Variants in DAB1 observed in about 807,000 individuals in gnomAD.
DAB1 encodes disabled homolog 1.
DAB1 carries 15 observed loss-of-function variants against 64.6 expected under a neutral mutation model. The observed-to-expected ratio is 0.23, with a 90% CI of 0.16 to 0.36. DAB1 has a LOEUF of 0.36. Among genes scored for constraint, DAB1 ranks in the 10% least tolerant of loss-of-function variants. The probability of loss-of-function intolerance (pLI) is 1.00; values close to 1 mark genes in which losing one functional copy is unlikely to be tolerated. For synonymous variants in DAB1, 235 were observed against 251.9 expected, an observed-to-expected ratio of 0.93 and a Z score of 0.64; for missense variants, 596 against 706.7, an observed-to-expected ratio of 0.84 and a Z score of 1.78.
intron 14 of DAB1, among the ~76,000 whole-genome samples, chr1:57,004,628 T>C (rs578154239): frequency 2.0e-5 from 3 of 152,368 alleles, no homozygotes; most frequent in African/African-American, 7.2e-5. Context: ...TTCAGCCTCA[T>C]GGTCTTTTAG....
intron 5 of DAB1, among the ~76,000 whole-genome samples, chr1:58,081,028 T>G (rs1649964393): frequency 6.6e-6 from 1 of 152,202 alleles, no homozygotes. Flanking sequence ...GCCTATGCTC[T>G]TATCACTATC....
intron 4 of DAB1, among the ~76,000 whole-genome samples, chr1:58,298,961 A>C (rs1308331431): frequency 1.3e-5 from 2 of 152,206 alleles, no homozygotes; most frequent in Non-Finnish European, 2.9e-5. Flanking sequence ...AGTCACTAGG[A>C]AACACGTAAA....
chr1:57,313,708 T>C (rs967962160), intron 1 of DAB1, among the ~76,000 whole-genome samples: 1 of 152,216 alleles, frequency 6.6e-6, no homozygotes, highest in Non-Finnish European at 1.5e-5. Flanking sequence ...CGTTTATTAT[T>C]CAGAAAATGT....
At chr1:57,539,099 G>A (rs935536312) in intron 7 of DAB1, among the ~76,000 whole-genome samples, 5 of 152,210 alleles carry the variant, frequency 3.3e-5, no homozygotes, top group Non-Finnish European at 5.9e-5. Flanking sequence ...TTCAGGGGAT[G>A]CTTCAGTTTT....
chr1:57,232,180 A>AATAAGG (rs1667726419), intron 2 of DAB1, among the ~76,000 whole-genome samples: 1 of 151,920 alleles, frequency 6.6e-6, no homozygotes, highest in Non-Finnish European at 1.5e-5. Context: ...TATGACATGC[A>AATAAGG]AGACCAATAA....
At chr1:57,732,838 C>T (rs1647502041) in intron 6 of DAB1, among the ~76,000 whole-genome samples, 1 of 152,120 alleles carries the variant, frequency 6.6e-6, no homozygotes, top group Non-Finnish European at 1.5e-5. Context: ...TCTCTGGAGG[C>T]CACAGCCAGC....
chr1:57,207,702 C>T (rs950444213), intron 2 of DAB1, among the ~76,000 whole-genome samples: 6 of 152,006 alleles, frequency 3.9e-5, no homozygotes, highest in African/African-American at 1.4e-4. Flanking sequence ...CCTCGGCCTC[C>T]CAAAGTGCTG....
At chr1:58,490,464 G>C (rs2100373724) in intron 3 of DAB1, among the ~76,000 whole-genome samples, 1 of 152,306 alleles carries the variant, frequency 6.6e-6, no homozygotes. Context: ...ATCTACATCT[G>C]ATTGGTGTAC....
At chr1:58,301,767 T>G (rs1490928948) in intron 4 of DAB1, among the ~76,000 whole-genome samples, 1 of 152,170 alleles carries the variant, frequency 6.6e-6, no homozygotes, top group Non-Finnish European at 1.5e-5. Flanking sequence ...GAATTCTGAC[T>G]CTGCCTTTTA....
intron 6 of DAB1, among the ~76,000 whole-genome samples, chr1:57,744,583 A>G (rs1235739932): frequency 6.6e-6 from 1 of 152,188 alleles, no homozygotes; most frequent in Non-Finnish European, 1.5e-5. Flanking sequence ...GGCTGAAGTC[A>G]CCGAGGAAGT....
chr1:57,821,514 T>A (rs1652119706), downstream of DAB1, among the ~76,000 whole-genome samples: 1 of 152,194 alleles, frequency 6.6e-6, no homozygotes, highest in South Asian at 2.1e-4. Flanking sequence ...CATTATAGGT[T>A]TAAATAAAAC....
chr1:57,611,533 T>C (rs967603926), intron 7 of DAB1, among the ~76,000 whole-genome samples: 4 of 152,236 alleles, frequency 2.6e-5, no homozygotes, highest in Admixed American at 6.5e-5. Context: ...CTCTCTAGTG[T>C]TGCAGGACAC....
chr1:57,061,839 G>A (rs1230832557), intron 9 of DAB1, among the ~76,000 whole-genome samples: 1 of 152,178 alleles, frequency 6.6e-6, no homozygotes, highest in African/African-American at 2.4e-5. Flanking sequence ...AGACAACAGT[G>A]TTCCAGGTAG....
In DAB1 at chr1:57,803,000, C is replaced by T. The variant is rs1323707119; in HGVS notation, n.551+80999G>A. ...CTGACCAGGAAGAGCAGGACCCAGG[C>T]AAGGTGTGTCTCTGAAGCTGGGGCA... On this transcript the variant is annotated intron_variant and non_coding_transcript_variant, in intron 6 of 20. Coordinates refer to the DAB1 transcript ENST00000485760. Among the ~76,000 whole-genome samples the T allele has an allele frequency of 3.3e-5, 5 of 152,122 alleles. No individual in the cohort carries two copies. In the East Asian group the frequency reaches 7.7e-4, roughly 23 times the overall value.
intron 7 of DAB1, among the ~76,000 whole-genome samples, chr1:57,489,849 T>C (rs1009000692): frequency 6.6e-6 from 1 of 152,190 alleles, no homozygotes; most frequent in Non-Finnish European, 1.5e-5. Flanking sequence ...AGGGAGTGAC[T>C]CATTCAAATG....
intron 4 of DAB1, among the ~76,000 whole-genome samples, chr1:57,132,855 A>G (rs1657757593): frequency 6.6e-6 from 1 of 152,202 alleles, no homozygotes; most frequent in Non-Finnish European, 1.5e-5. Context: ...AACAGTGACA[A>G]TAAGACAGAG....
chr1:57,765,036 T>A (rs1264869064), intron 6 of DAB1, among the ~76,000 whole-genome samples: 1 of 152,140 alleles, frequency 6.6e-6, no homozygotes, highest in Non-Finnish European at 1.5e-5. Flanking sequence ...CACAACAAAT[T>A]AGTAACAGAG....
chr1:58,543,410 A>G (rs1015437901), intron 1 of DAB1, among the ~76,000 whole-genome samples: 7 of 152,172 alleles, frequency 4.6e-5, no homozygotes, highest in African/African-American at 1.7e-4. Flanking sequence ...TTAGCATCCA[A>G]AATATCTCAG....
At chr1:58,350,945 T>G (rs1358136236) in intron 3 of DAB1, among the ~76,000 whole-genome samples, 1 of 152,190 alleles carries the variant, frequency 6.6e-6, no homozygotes, top group East Asian at 1.9e-4. Context: ...TGCAGGCTCT[T>G]TTTTGGTTCC....
Sources: gnomAD v4.1 joint callset for allele counts (sites outside exome capture counted in the v4.1 genomes callset) on GRCh38, gnomAD v4.1.1 for gene constraint, MANE v1.5 for transcripts, NCBI Gene and HGNC (gene_info 2026-07-23, HGNC 2026-07-21) for gene names.